Variants in CDK5RAP2 observed in about 807,000 individuals in gnomAD.
The protein encoded by CDK5RAP2 is CDK5 regulatory subunit associated protein 2.
A neutral mutation model predicts 232.9 loss-of-function variants in CDK5RAP2; 147 were observed. That is an observed-to-expected ratio of 0.63 (90% confidence interval 0.55 to 0.72). The LOEUF is 0.72. Among genes scored for constraint, CDK5RAP2 ranks in the 30% least tolerant of loss-of-function variants. The pLI is 0.00. For missense variants in CDK5RAP2, 2,195 were observed against 2,231.5 expected, an observed-to-expected ratio of 0.98 and a Z score of 0.33; for synonymous variants, 833 against 833.7, an observed-to-expected ratio of 1.00 and a Z score of 0.01.
At position 120,435,088 on chromosome 9, in the gene CDK5RAP2, T is replaced by A. The variant is rs150415707; in HGVS notation, c.3955+2207A>T. ...TTGAATACAAATAAAAACAAATGAATCTAATTGTGTTTCAAATGACTAACC... is the reference window on the plus strand; with the variant it reads ...TTGAATACAAATAAAAACAAATGAAACTAATTGTGTTTCAAATGACTAACC... On this transcript the variant is annotated intron_variant, in intron 25 of 37. Coordinates refer to ENST00000349780, the MANE Select transcript of CDK5RAP2 (RefSeq NM_018249.6). Among the ~76,000 whole-genome samples the A allele has an allele frequency of 1.2e-4, 18 of 152,180 alleles. No individual in the cohort carries two copies. The East Asian group carries it at 3.1e-3, about 26-fold the overall frequency.
At chr9:120,409,377 T>A (rs1396213378) in intron 29 of CDK5RAP2, 61 bp from the exon 30 acceptor site, 1 of 1,167,802 alleles carries the variant, frequency 8.6e-7, no homozygotes, top group African/African-American at 1.5e-5. Flanking sequence ...AACCTTATTA[T>A]ATAAATACAG....
chr9:120,417,694 T>C (rs2034315864), intron 27 of CDK5RAP2, among the ~76,000 whole-genome samples: 1 of 152,214 alleles, frequency 6.6e-6, no homozygotes, highest in Non-Finnish European at 1.5e-5. Flanking sequence ...AACACTATAC[T>C]AGCCTTTACA....
At chr9:120,473,405 G>A (rs1334826069) in intron 15 of CDK5RAP2, among the ~76,000 whole-genome samples, 1 of 152,186 alleles carries the variant, frequency 6.6e-6, no homozygotes, top group Non-Finnish European at 1.5e-5. Flanking sequence ...TTTTTCAAAA[G>A]GGATCAATAG....
chr9:120,501,355 C>G (rs899221868), intron 12 of CDK5RAP2, among the ~76,000 whole-genome samples: 6 of 152,190 alleles, frequency 3.9e-5, no homozygotes, highest in African/African-American at 1.4e-4. Context: ...ATATTCCTTC[C>G]CTTCACCACT....
At chr9:120,528,940 T>G in intron 8 of CDK5RAP2, 143 bp from the exon 9 acceptor site, 1 of 685,764 alleles carries the variant, frequency 1.5e-6, no homozygotes, top group Non-Finnish European at 2.7e-6. Flanking sequence ...CCCCTCCCTC[T>G]CTCCACCCCA....
Position 120,491,268 on chromosome 9 carries a change from A to T in CDK5RAP2, c.1482+39T>A, listed in dbSNP as rs753065651. 7 of 1,472,742 alleles carry T rather than the reference A, an allele frequency of 4.8e-6. No individual in the cohort carries two copies. The Admixed American group carries it at 1.2e-4, about 25-fold the overall frequency. The allele number at this position is 1,472,742 out of a possible 1,614,324, so 91.2% of individuals were successfully genotyped here. A position where few individuals can be genotyped will look rare whatever the true frequency, so the allele number is the denominator to read the frequency against. On this transcript the variant is annotated intron_variant, in intron 13 of 37. Coordinates refer to ENST00000349780, the MANE Select transcript of CDK5RAP2 (RefSeq NM_018249.6). Reference sequence around the variant, plus strand: ...AATTATTTTTTAAAAAAATCAACCCATGCCAAATTAAAAAATTTAAATACA... The same window carrying T: ...AATTATTTTTTAAAAAAATCAACCCTTGCCAAATTAAAAAATTTAAATACA...
chr9:120,545,417 C>T (rs913104087), intron 5 of CDK5RAP2, among the ~76,000 whole-genome samples: 1 of 152,186 alleles, frequency 6.6e-6, no homozygotes, highest in African/African-American at 2.4e-5. Context: ...GCTCTGAGAA[C>T]ACAAAGAGGG....
intron 3 of CDK5RAP2, among the ~76,000 whole-genome samples, chr9:120,562,094 C>A (rs1000303631): frequency 6.6e-6 from 1 of 152,204 alleles, no homozygotes. Context: ...ATTTCCCTTC[C>A]TTCCAGTTTT....
chr9:120,535,072 G>A (rs953954886), intron 7 of CDK5RAP2, among the ~76,000 whole-genome samples: 1 of 152,214 alleles, frequency 6.6e-6, no homozygotes, highest in African/African-American at 2.4e-5. Context: ...GGTAAACTGA[G>A]ATGATATATA....
rs2037032445 is a variant in CDK5RAP2, at chr9:120,460,643, C to T, written c.2131G>A (p.Asp711Asn). The change falls in exon 19 of 38, where the codon GAC becomes AAC. Residue 711 changes from aspartate (D) to asparagine (N), a missense_variant. By Grantham distance (23) the Asp-to-Asn change is conservative. Coordinates refer to ENST00000349780, the MANE Select transcript of CDK5RAP2 (RefSeq NM_018249.6). ...TELLASKEDE[D>N]TIKIGEDDEI... ...TCATCCTCCCCAATTTTGATCGTGT[C>T]CTCGTCCTCCTTGCTAGCCAGAAGC... 12 of 1,614,122 alleles carry T rather than the reference C, an allele frequency of 7.4e-6. No homozygotes were observed. In the East Asian group the frequency reaches 2.7e-4, roughly 36 times the overall value.
intron 16 of CDK5RAP2, 116 bp from the exon 17 acceptor site, chr9:120,470,336 G>A (rs1353822420): frequency 9.7e-6 from 6 of 617,748 alleles, no homozygotes; most frequent in Non-Finnish European, 1.5e-5. Context: ...GAATGGGGGA[G>A]GTGGGGCGGA....
intron 12 of CDK5RAP2, among the ~76,000 whole-genome samples, chr9:120,499,647 A>T (rs868160154): frequency 1.3e-5 from 2 of 152,326 alleles, no homozygotes; most frequent in South Asian, 4.1e-4. Context: ...ATCATGAATT[A>T]TAAATGGCAG....
At chr9:120,438,139 AT>A (rs2035693776) in intron 24 of CDK5RAP2, among the ~76,000 whole-genome samples, 1 of 152,250 alleles carries the variant, frequency 6.6e-6, no homozygotes, top group Non-Finnish European at 1.5e-5. Context: ...TTCAAACACA[AT>A]TCTCACTTTG....
At chr9:120,411,289 G>T in intron 29 of CDK5RAP2, 69 bp downstream of exon 29, 1 of 944,882 alleles carries the variant, frequency 1.1e-6, no homozygotes, top group Non-Finnish European at 1.8e-6. Flanking sequence ...AGACTCCAAT[G>T]CCTGCATTCT....
At chr9:120,473,608 G>C (rs2037842706) in intron 15 of CDK5RAP2, among the ~76,000 whole-genome samples, 1 of 152,240 alleles carries the variant, frequency 6.6e-6, no homozygotes, top group Non-Finnish European at 1.5e-5. Context: ...TTGTGAAGCA[G>C]TCTTCACGCA....
intron 18 of CDK5RAP2, among the ~76,000 whole-genome samples, chr9:120,463,856 C>T (rs1405198909): frequency 6.6e-6 from 1 of 152,176 alleles, no homozygotes; most frequent in Non-Finnish European, 1.5e-5. Context: ...GAGAAACATA[C>T]TTCATGCTGC....
rs773690841 is a variant in CDK5RAP2, at chr9:120,518,687, A to G, written c.1093-42T>C. 1.0e-5 allele frequency: 15 copies of G among 1,492,554 alleles called. No individual in the cohort carries two copies. In the South Asian group the frequency reaches 1.6e-4, roughly 16 times the overall value. The allele number at this position is 1,492,554 out of a possible 1,614,324, so 92.5% of individuals were successfully genotyped here. A position where few individuals can be genotyped will look rare whatever the true frequency, so the allele number is the denominator to read the frequency against. On this transcript the variant is annotated intron_variant, in intron 11 of 37. Transcript: ENST00000349780. Reference sequence around the variant, plus strand: ...AGAAGCAAGATGAGCTAATTTTCATACCTCATGAAACAAACCAAGAAACCT... The same window carrying G: ...AGAAGCAAGATGAGCTAATTTTCATGCCTCATGAAACAAACCAAGAAACCT...
In CDK5RAP2 at chr9:120,417,397, T is replaced by TACCTC. The variant is rs2034294394; in HGVS notation, c.4178-2243_4178-2239dup. Among the ~76,000 whole-genome samples the TACCTC allele has an allele frequency of 2.6e-5, 4 of 152,290 alleles. No homozygotes were observed. The South Asian group carries it at 8.3e-4, about 32-fold the overall frequency. On this transcript the variant is annotated intron_variant, in intron 27 of 37. Transcript: ENST00000349780. ...TAAACTTCTGGCACCCATGGCACTG[T>TACCTC]ACCTCCTTGCTCCTGCCTTGGTGCC...
chr9:120,463,946 C>T (rs1367642232), intron 18 of CDK5RAP2, among the ~76,000 whole-genome samples: 1 of 152,218 alleles, frequency 6.6e-6, no homozygotes, highest in Non-Finnish European at 1.5e-5. Flanking sequence ...CGGCTTCCAG[C>T]CCTACCACCA....
Sources: allele counts gnomAD v4.1 joint callset (sites outside exome capture counted in the v4.1 genomes callset), GRCh38; gene constraint gnomAD v4.1.1; transcripts MANE v1.5; gene names NCBI Gene and HGNC (gene_info 2026-07-23, HGNC 2026-07-21).